Variants in MBNL1 observed in about 807,000 individuals in gnomAD.
MBNL1 encodes muscleblind-like protein 1.
In MBNL1, 8 loss-of-function variants were observed where a neutral mutation model predicts 42.2. The ratio of observed to expected loss-of-function variants is 0.19; its 90% CI spans 0.11 to 0.34. The LOEUF is 0.34. MBNL1 is among the 10% of genes least tolerant of loss of function. MBNL1 has a pLI of 1.00. For synonymous variants in MBNL1, 169 were observed against 173.9 expected (o/e 0.97, Z 0.22); for missense variants, 309 against 495.3 (o/e 0.62, Z 3.57).
At chr3:152,315,976 A>T (rs371477464) in intron 2 of MBNL1, among the ~76,000 whole-genome samples, 1 of 152,148 alleles carries the variant, frequency 6.6e-6, no homozygotes, top group Admixed American at 6.6e-5. Flanking sequence ...TGAAGTTCTC[A>T]TAATAAAAAT....
chr3:152,456,206 C>T (rs1733454366), intron 7 of MBNL1, 61 bp from the exon 8 acceptor site: 3 of 1,139,312 alleles, frequency 2.6e-6, no homozygotes, highest in Non-Finnish European at 4.0e-6. Flanking sequence ...TCCATGTTGC[C>T]ATGGTTTCCA....
intron 2 of MBNL1, chr3:152,340,450 A>T: frequency 2.0e-6 from 3 of 1,479,942 alleles, no homozygotes; most frequent in Non-Finnish European, 1.8e-6. Context: ...TTTTTTTTTT[A>T]AGTAAAATAT....
intron 2 of MBNL1, among the ~76,000 whole-genome samples, chr3:152,359,572 C>G (rs571558442): frequency 5.9e-5 from 9 of 152,254 alleles, no homozygotes; most frequent in African/African-American, 2.2e-4. Flanking sequence ...AGAGATGCTC[C>G]CAATCAGCTA....
chr3:152,412,306 T>G (rs2098599737), intron 2 of MBNL1, among the ~76,000 whole-genome samples: 1 of 152,212 alleles, frequency 6.6e-6, no homozygotes, highest in Non-Finnish European at 1.5e-5. Flanking sequence ...TGAAAATTTA[T>G]CTGGCTTTGC....
intron 8 of MBNL1, among the ~76,000 whole-genome samples, chr3:152,456,593 C>T (rs1013101602): frequency 4.6e-5 from 7 of 152,172 alleles, no homozygotes; most frequent in Admixed American, 2.0e-4. Flanking sequence ...GCTCCAAAGT[C>T]GTCGCAGCTC....
At chr3:152,288,965 T>G (rs1225765757) in intron 1 of MBNL1, among the ~76,000 whole-genome samples, 1 of 152,168 alleles carries the variant, frequency 6.6e-6, no homozygotes, top group Non-Finnish European at 1.5e-5. Flanking sequence ...AGACATACTT[T>G]TTTTGCATGT....
intron 2 of MBNL1, among the ~76,000 whole-genome samples, chr3:152,245,155 C>T (rs921738761): frequency 6.6e-6 from 1 of 152,034 alleles, no homozygotes; most frequent in African/African-American, 2.4e-5. Context: ...TCAAACTAAA[C>T]TGAAACTGAT....
intron 1 of MBNL1, among the ~76,000 whole-genome samples, chr3:152,291,212 T>C (rs953925453): frequency 2.6e-5 from 4 of 152,196 alleles, no homozygotes; most frequent in African/African-American, 7.2e-5. Flanking sequence ...TTAAAATACT[T>C]CCTCTTTGAA....
intron 2 of MBNL1, chr3:152,341,139 T>A (rs1290017379): frequency 2.2e-6 from 1 of 448,474 alleles, no homozygotes; most frequent in Non-Finnish European, 3.8e-6. Flanking sequence ...AAATGGGTAA[T>A]TCTTTCATAT....
intron 2 of MBNL1, among the ~76,000 whole-genome samples, chr3:152,362,871 G>C (rs955128025): frequency 6.6e-6 from 1 of 152,160 alleles, no homozygotes; most frequent in Admixed American, 6.6e-5. Context: ...TACTTGTAGA[G>C]ATATAGATAA....
At chr3:152,387,710 T>C (rs976948163) in intron 2 of MBNL1, among the ~76,000 whole-genome samples, 2 of 152,170 alleles carry the variant, frequency 1.3e-5, no homozygotes, top group Non-Finnish European at 2.9e-5. Flanking sequence ...TAAAGTGCCA[T>C]TGTATCTTTC....
chr3:152,344,876 A>G (rs1308572659), intron 2 of MBNL1, among the ~76,000 whole-genome samples: 1 of 152,106 alleles, frequency 6.6e-6, no homozygotes, highest in Non-Finnish European at 1.5e-5. Flanking sequence ...ACAAATGTCC[A>G]TACAGATGGA....
At chr3:152,338,684 G>C in intron 2 of MBNL1, 1 of 985,310 alleles carries the variant, frequency 1.0e-6, no homozygotes, top group Non-Finnish European at 1.2e-6. Flanking sequence ...GTAAGATTCT[G>C]ATTTCTCTAG....
intron 2 of MBNL1, among the ~76,000 whole-genome samples, chr3:152,364,077 A>G (rs910556818): frequency 2.6e-5 from 4 of 152,048 alleles, no homozygotes; most frequent in Non-Finnish European, 1.5e-5. Context: ...CCTACAATAC[A>G]TTAAATTCAA....
intron 2 of MBNL1, among the ~76,000 whole-genome samples, chr3:152,325,637 CATTTATGTATTTA>C (rs1365899090): frequency 1.3e-5 from 2 of 150,614 alleles, no homozygotes; most frequent in African/African-American, 4.9e-5. Flanking sequence ...CAGATATGGA[CATTTATGTATTTA>C]TGTACAAATA....
intron 2 of MBNL1, among the ~76,000 whole-genome samples, chr3:152,388,532 C>T (rs888452495): frequency 6.6e-6 from 1 of 152,216 alleles, no homozygotes; most frequent in East Asian, 1.9e-4. Context: ...AATTTCTATG[C>T]CAAGTGCAGT....
chr3:152,446,315 C>T (rs1346355713), intron 5 of MBNL1, among the ~76,000 whole-genome samples: 2 of 151,986 alleles, frequency 1.3e-5, no homozygotes, highest in African/African-American at 4.8e-5. Context: ...TTTTAAAAGT[C>T]ACTGTGTAGT....
intron 1 of MBNL1, among the ~76,000 whole-genome samples, chr3:152,297,764 C>T (rs1577350540): frequency 6.6e-6 from 1 of 152,188 alleles, no homozygotes; most frequent in East Asian, 1.9e-4. Flanking sequence ...TCAAGTGATT[C>T]TTCTGCCTCA....
At chr3:152,432,576 G>A in intron 3 of MBNL1, 141 bp from the exon 4 acceptor site, 2 of 701,326 alleles carry the variant, frequency 2.9e-6, no homozygotes, top group Admixed American at 4.5e-5. Context: ...CTAAATGATA[G>A]TAAATGAACA....
Sources: allele counts gnomAD v4.1 joint callset (sites outside exome capture counted in the v4.1 genomes callset), GRCh38; gene constraint gnomAD v4.1.1; transcripts MANE v1.5; gene names NCBI Gene and HGNC (gene_info 2026-07-23, HGNC 2026-07-21).